TGIF2: variants seen among roughly 807,000 people sequenced by gnomAD.
TGIF2 encodes the protein homeobox protein TGIF2.
Under a neutral mutation model 15.1 loss-of-function variants are expected in TGIF2, and 5 were observed. The ratio of observed to expected loss-of-function variants is 0.33; its 90% CI spans 0.17 to 0.70. TGIF2 has a LOEUF of 0.70. Among genes scored for constraint, TGIF2 ranks in the 30% least tolerant of loss-of-function variants. The pLI, the probability that TGIF2 is intolerant of heterozygous loss-of-function variation, is 0.67. For synonymous variants in TGIF2, 131 were observed against 128.9 expected, an observed-to-expected ratio of 1.02 and a Z score of -0.11; for missense variants, 264 against 302.5, an observed-to-expected ratio of 0.87 and a Z score of 0.94.
intron 2 of TGIF2, among the ~76,000 whole-genome samples, chr20:36,582,101 G>A (rs150411946): frequency 6.6e-6 from 1 of 152,238 alleles, no homozygotes; most frequent in Non-Finnish European, 1.5e-5. Flanking sequence ...CAGACGTGGT[G>A]GCTCATGCCT....
In TGIF2 at chr20:36,591,407, T is replaced by C; in HGVS notation, c.690T>C (p.Pro230=). 1 of 1,608,558 alleles carries C rather than the reference T, an allele frequency of 6.2e-7. No individual in the cohort carries two copies. The change falls in exon 3 of 3, where the codon CCT becomes CCC. Residue 230 remains proline, a synonymous_variant. Coordinates refer to ENST00000373872, the MANE Select transcript of TGIF2 (RefSeq NM_021809.7). This position sits in a 1 kb window ranked among gnomAD's most constrained non-coding sequence, Gnocchi z 5.3. ...PSLPLLHTPI[P]LVSENPQ is the part of the protein sequence containing the mutation. Reference sequence around the variant, plus strand: ...TCCCATTACTGCACACTCCCATCCCTTTAGTCTCTGAAAATCCCCAGTAGG... The same window carrying C: ...TCCCATTACTGCACACTCCCATCCCCTTAGTCTCTGAAAATCCCCAGTAGG...
At chr20:36,585,100 GGCAGGAGAAT>G (rs1343031180) in intron 2 of TGIF2, among the ~76,000 whole-genome samples, 2 of 152,112 alleles carry the variant, frequency 1.3e-5, no homozygotes, top group Non-Finnish European at 2.9e-5. Flanking sequence ...AGGAGGCTGA[GGCAGGAGAAT>G]CACTTTTGAA....
In TGIF2 at chr20:36,591,065, G is replaced by C. The variant is rs778325047; in HGVS notation, c.348G>C (p.Val116=). The C allele has an allele frequency of 1.9e-6, 3 of 1,600,800 alleles. No homozygotes were observed. The highest frequency in any genetic ancestry group is 1.7e-6 in the Non-Finnish European group (2 of 1,170,172). The stretch of plus-strand genomic sequence containing the variant: ...GCAGCAGCCCCTCAGTGCTGGCTGT[G>C]TCTGTCCCAGCCCCCACCAATGTGC... The part of the protein sequence containing the change: ...PRGSSPSVLA[V]SVPAPTNVLS... The change falls in exon 3 of 3, where the codon GTG becomes GTC. Residue 116 remains valine (V), a synonymous_variant. Coordinates refer to ENST00000373872, the MANE Select transcript of TGIF2 (RefSeq NM_021809.7). The surrounding 1 kb of genome is among the most constrained non-coding windows in gnomAD (Gnocchi z 5.3).
rs1400753057 is a variant in TGIF2, at chr20:36,591,593, A to G, written c.*162A>G. On this transcript the variant is annotated 3_prime_UTR_variant, in exon 3 of 3. Coordinates refer to ENST00000373872, the MANE Select transcript of TGIF2 (RefSeq NM_021809.7). The surrounding 1 kb of genome is among the most constrained non-coding windows in gnomAD (Gnocchi z 5.3). ...GGAAGATGCCAGCTGGCACCACTGC[A>G]CTGTGATGGGGGCCCTCTCCTCTGC... 2.6e-6 allele frequency: 2 copies of G among 760,978 alleles called. No individual in the cohort carries two copies. The highest frequency in any genetic ancestry group is 2.1e-6 in the Non-Finnish European group (1 of 482,478). 47.1% of individuals were successfully genotyped at this position (760,978 alleles called of 1,614,324 possible). A position where few individuals can be genotyped will look rare whatever the true frequency, so the allele number is the denominator to read the frequency against.
chr20:36,578,761 A>G lies in TGIF2; in HGVS notation c.-14A>G, dbSNP rs2038483252. ...CCCAGGTTTACCCAAGGTCCAGCCTAGCCCCTAGGCACCATGTCGGACAGT... is the reference window on the plus strand; with the variant it reads ...CCCAGGTTTACCCAAGGTCCAGCCTGGCCCCTAGGCACCATGTCGGACAGT... On this transcript the variant is annotated 5_prime_UTR_variant, in exon 2 of 3. Coordinates refer to ENST00000373872, the MANE Select transcript of TGIF2 (RefSeq NM_021809.7). 6.2e-7 allele frequency: 1 copy of G among 1,604,992 alleles called. No individual in the cohort carries two copies. Among genetic ancestry groups the G allele is most frequent in the Non-Finnish European group, 8.5e-7 (1 of 1,175,196 alleles).
Position 36,591,399 on chromosome 20 carries a change from C to G in TGIF2, c.682C>G (p.Pro228Ala). The part of the protein sequence containing the change: ...QDPSLPLLHT[P>A]IPLVSENPQ ...CCCATCACTCCCATTACTGCACACT[C>G]CCATCCCTTTAGTCTCTGAAAATCC... is the stretch of plus-strand genomic sequence containing the variant. The change falls in exon 3 of 3, where the codon CCC (proline) becomes GCC (alanine). Residue 228 changes from proline (P) to alanine (A), a missense_variant. Transcript: ENST00000373872. The surrounding 1 kb of genome is among the most constrained non-coding windows in gnomAD (Gnocchi z 5.3). 1 of 1,612,552 alleles carries G rather than the reference C, an allele frequency of 6.2e-7. No homozygotes were observed. Among genetic ancestry groups the G allele is most frequent in the Non-Finnish European group, 8.5e-7 (1 of 1,178,774 alleles).
At position 36,581,591 on chromosome 20, in the gene TGIF2, C is replaced by T. The variant is rs534673971; in HGVS notation, c.192+2625C>T. On this transcript the variant is annotated intron_variant, in intron 2 of 2. Transcript: ENST00000373872. Reference sequence around the variant, plus strand: ...AATTACTTTTTGTCAGGGACACTTTCTCAAACCTGAGAAATATACTAACTC... The same window carrying T: ...AATTACTTTTTGTCAGGGACACTTTTTCAAACCTGAGAAATATACTAACTC... 2.6e-5 allele frequency among the ~76,000 whole-genome samples: 4 copies of T among 152,214 alleles called. No individual in the cohort carries two copies. In the East Asian group the frequency reaches 7.7e-4, roughly 29 times the overall value.
chr20:36,586,701 C>CG (rs1174866658), intron 2 of TGIF2, among the ~76,000 whole-genome samples: 25 of 148,218 alleles, frequency 1.7e-4, no homozygotes, highest in Admixed American at 8.1e-4. Context: ...TTTCCCCCCC[C>CG]CCAAAAAAAA....
At chr20:36,586,500 G>T (rs902167777) in intron 2 of TGIF2, among the ~76,000 whole-genome samples, 1 of 152,182 alleles carries the variant, frequency 6.6e-6, no homozygotes, top group African/African-American at 2.4e-5. Context: ...TTTGAGACCA[G>T]CCTGGCCAAC....
chr20:36,584,131 C>T (rs1325079701), intron 2 of TGIF2, among the ~76,000 whole-genome samples: 1 of 152,172 alleles, frequency 6.6e-6, no homozygotes, highest in Non-Finnish European at 1.5e-5. Flanking sequence ...CCCGTGTCTA[C>T]ATCTTGAACC....
At position 36,591,116 on chromosome 20, in the gene TGIF2, G is replaced by A. The variant is rs764996690; in HGVS notation, c.399G>A (p.Pro133=). The A allele has an allele frequency of 1.6e-5, 26 of 1,611,454 alleles. No individual in the cohort carries two copies. The Middle Eastern group carries it at 6.6e-4, about 41-fold the overall frequency. The change falls in exon 3 of 3, where the codon CCG becomes CCA. Residue 133 remains proline, a synonymous_variant. Coordinates refer to ENST00000373872, the MANE Select transcript of TGIF2 (RefSeq NM_021809.7). This position sits in a 1 kb window ranked among gnomAD's most constrained non-coding sequence, Gnocchi z 5.3. ...NVLSLSVCSM[P]LHSGQGEKPA... The stretch of plus-strand genomic sequence containing the variant: ...TCTCCCTGTCTGTGTGCTCCATGCC[G>A]CTTCACTCAGGCCAGGGGGAAAAGC...
chr20:36,592,385 ATTT>A lies in TGIF2; in HGVS notation c.*962_*964del, dbSNP rs113760296. On this transcript the variant is annotated 3_prime_UTR_variant, in exon 3 of 3. Coordinates refer to ENST00000373872, the MANE Select transcript of TGIF2 (RefSeq NM_021809.7). ...GAAGTAAACTAGACTGAAGCGATGG[ATTT>A]TTTTTTTCTTTTTTTTCTTTAGTGT... 3 of 149,284 alleles carry A rather than the reference ATTT, an allele frequency of 2.0e-5. No homozygotes were observed. The highest frequency in any genetic ancestry group is 3.0e-5 in the Non-Finnish European group (2 of 67,104). 9.2% of individuals were successfully genotyped at this position (149,284 alleles called of 1,614,324 possible). A position where few individuals can be genotyped will look rare whatever the true frequency, so the allele number is the denominator to read the frequency against.
At chr20:36,578,686 AG>A in intron 1 of TGIF2, 54 bp from the exon 2 acceptor site, 1 of 1,494,524 alleles carries the variant, frequency 6.7e-7, no homozygotes. Flanking sequence ...TTTGGAGACT[AG>A]GAAAAGGCGG....
intron 1 of TGIF2, among the ~76,000 whole-genome samples, chr20:36,578,064 T>TA (rs1418570410): frequency 6.6e-6 from 1 of 152,188 alleles, no homozygotes; most frequent in African/African-American, 2.4e-5. Context: ...ATGATGATAA[T>TA]AATAGCTTCT....
chr20:36,573,617 G>A lies in TGIF2; in HGVS notation c.-163G>A, dbSNP rs548606808. The A allele has an allele frequency of 5.9e-5, 9 of 151,266 alleles. No individual in the cohort carries two copies. The highest frequency in any genetic ancestry group is 2.6e-4 in the Admixed American group (4 of 15,222). The allele number at this position is 151,266 out of a possible 1,614,324, so 9.4% of individuals were successfully genotyped here. On this transcript the variant is annotated 5_prime_UTR_variant, in exon 1 of 3. Coordinates refer to ENST00000373872, the MANE Select transcript of TGIF2 (RefSeq NM_021809.7). ...ACGTCAGGCCGCGAGGTGCTTTCCAGCCGCGAGCTGTCAGGCCGAGTGTCA... is the reference window on the plus strand; with the variant it reads ...ACGTCAGGCCGCGAGGTGCTTTCCAACCGCGAGCTGTCAGGCCGAGTGTCA...
At chr20:36,581,360 TGCCTTCA>T (rs894305652) in intron 2 of TGIF2, among the ~76,000 whole-genome samples, 59 of 152,238 alleles carry the variant, frequency 3.9e-4, no homozygotes, top group East Asian at 2.7e-3. Flanking sequence ...CGGGTCTCCC[TGCCTTCA>T]GCCTTCAGCC....
intron 2 of TGIF2, among the ~76,000 whole-genome samples, chr20:36,589,619 C>T (rs2038728595): frequency 6.6e-6 from 1 of 152,124 alleles, no homozygotes; most frequent in Non-Finnish European, 1.5e-5. Flanking sequence ...TCTCAAACTC[C>T]TGACCTCGTG....
In TGIF2 at chr20:36,591,566, C is replaced by T. The variant is rs748873935; in HGVS notation, c.*135C>T. ...ATCTCCTCTGTCCAGAGGTCTTCAA[C>T]AGGAAGATGCCAGCTGGCACCACTG... On this transcript the variant is annotated 3_prime_UTR_variant, in exon 3 of 3. Transcript: ENST00000373872. The surrounding 1 kb of genome is among the most constrained non-coding windows in gnomAD (Gnocchi z 5.3). 43 of 1,011,714 alleles carry T rather than the reference C, an allele frequency of 4.3e-5. No homozygotes were observed. The Middle Eastern group carries it at 9.9e-4, about 23-fold the overall frequency. The allele number at this position is 1,011,714 out of a possible 1,614,324, so 62.7% of individuals were successfully genotyped here.
intron 1 of TGIF2, among the ~76,000 whole-genome samples, chr20:36,576,690 A>G (rs1569531807): frequency 1.3e-5 from 2 of 152,064 alleles, no homozygotes; most frequent in Admixed American, 6.6e-5. Flanking sequence ...CCATCACTAT[A>G]GTCAATTTTA....
Sources: allele counts gnomAD v4.1 joint callset (sites outside exome capture counted in the v4.1 genomes callset), GRCh38; gene constraint gnomAD v4.1.1; non-coding constraint Gnocchi (gnomAD v3.1); transcripts MANE v1.5; gene names NCBI Gene and HGNC (gene_info 2026-07-23, HGNC 2026-07-21).